TMEM26: variants seen among roughly 807,000 people sequenced by gnomAD.
TMEM26 encodes the protein transmembrane protein 26.
TMEM26 carries 38 observed loss-of-function variants against 28.8 expected under a neutral mutation model. That is an observed-to-expected ratio of 1.32 (90% confidence interval 1.02 to 1.73). The LOEUF is 1.73. TMEM26 is among the 40% of genes most tolerant of loss of function. The pLI is 0.00. For synonymous variants in TMEM26, 227 were observed against 182.9 expected, an observed-to-expected ratio of 1.24 and a Z score of -1.95; for missense variants, 518 against 447.1, an observed-to-expected ratio of 1.16 and a Z score of -1.43.
chr10:61,410,554 T>G lies in TMEM26; in HGVS notation c.875A>C (p.Lys292Thr). The G allele has an allele frequency of 6.2e-7, 1 of 1,614,156 alleles. No homozygotes were observed. The highest frequency in any genetic ancestry group is 8.5e-7 in the Non-Finnish European group (1 of 1,180,038). Reference protein sequence around the residue: ...INQMLVFFAAKNFLVVVLQLY... With the variant: ...INQMLVFFAATNFLVVVLQLY... ...TTGCAACACCACCACGAGGAAGTTC[T>G]TCGCGGCAAAGAACACCAGCATCTG... Residue 292 changes from lysine to threonine, a missense_variant, in exon 6 of 6, where the codon AAG (lysine) becomes ACG (threonine). Transcript: ENST00000399298.
rs907956833 is a variant in TMEM26 at position 61,408,338 on chromosome 10, C to A, written c.*1984G>T. The A allele has an allele frequency of 6.6e-6, 1 of 152,178 alleles. No homozygotes were observed. The highest frequency in any genetic ancestry group is 6.5e-5 in the Admixed American group (1 of 15,270). 9.4% of individuals were successfully genotyped at this position (152,178 alleles called of 1,614,324 possible). ...TACTTTAATTTAAACACTAGAAACTCATTCACGAAGCCAAGCCAAGTCTCA... is the reference window on the plus strand; with the variant it reads ...TACTTTAATTTAAACACTAGAAACTAATTCACGAAGCCAAGCCAAGTCTCA... On this transcript the variant is annotated 3_prime_UTR_variant, in exon 6 of 6. Transcript: ENST00000399298.
At chr10:61,413,817 A>G in intron 4 of TMEM26, 1 of 1,054,272 alleles carries the variant, frequency 9.5e-7, no homozygotes, top group South Asian at 4.2e-5. Flanking sequence ...TTATGGAAAC[A>G]TTATGGGAGA....
chr10:61,448,637 T>C (rs775085716), intron 1 of TMEM26, among the ~76,000 whole-genome samples: 1 of 149,578 alleles, frequency 6.7e-6, no homozygotes, highest in Non-Finnish European at 1.5e-5. Flanking sequence ...TTTTTTTTGG[T>C]CTGGTCACAC....
chr10:61,434,378 T>A (rs1030952701), intron 2 of TMEM26, among the ~76,000 whole-genome samples: 1 of 152,218 alleles, frequency 6.6e-6, no homozygotes, highest in African/African-American at 2.4e-5. Context: ...GGATTTGAGC[T>A]GTATATCAAT....
chr10:61,417,397 A>G (rs1839670447), intron 4 of TMEM26, among the ~76,000 whole-genome samples: 1 of 151,872 alleles, frequency 6.6e-6, no homozygotes, highest in Non-Finnish European at 1.5e-5. Flanking sequence ...CAATGTGCTT[A>G]GCTATTTGTT....
intron 4 of TMEM26, among the ~76,000 whole-genome samples, chr10:61,421,391 C>A (rs749652876): frequency 6.6e-6 from 1 of 151,972 alleles, no homozygotes; most frequent in Non-Finnish European, 1.5e-5. Context: ...TATTAATGGT[C>A]TAAACACAGT....
chr10:61,407,037 A>G lies in TMEM26; in HGVS notation c.*3285T>C, dbSNP rs1173767913. On this transcript the variant is annotated 3_prime_UTR_variant, in exon 6 of 6. Transcript: ENST00000399298. ...GGTGTTTCATTTGCGTCTCTGTAGT[A>G]TACGTCACCATCCCTCTTTCTTAGC... 1 of 151,932 alleles carries G rather than the reference A, an allele frequency of 6.6e-6. No homozygotes were observed. The highest frequency in any genetic ancestry group is 1.5e-5 in the Non-Finnish European group (1 of 67,968). 9.4% of individuals were successfully genotyped at this position (151,932 alleles called of 1,614,324 possible).
intron 1 of TMEM26, among the ~76,000 whole-genome samples, chr10:61,443,577 G>A (rs1455268032): frequency 6.6e-6 from 1 of 152,056 alleles, no homozygotes; most frequent in East Asian, 1.9e-4. Context: ...AATGGGTTGA[G>A]AAAATCCATT....
intron 2 of TMEM26, among the ~76,000 whole-genome samples, chr10:61,432,595 G>A (rs993473193): frequency 3.3e-5 from 5 of 151,854 alleles, no homozygotes; most frequent in East Asian, 1.9e-4. Context: ...CTCCACCACC[G>A]CCACTACAAC....
chr10:61,417,092 T>A (rs1839663901), intron 4 of TMEM26, among the ~76,000 whole-genome samples: 1 of 152,028 alleles, frequency 6.6e-6, no homozygotes, highest in Non-Finnish European at 1.5e-5. Flanking sequence ...AATGTTAGAA[T>A]GTAAATAAAT....
At chr10:61,416,000 C>T (rs531098533) in intron 4 of TMEM26, 32 of 402,430 alleles carry the variant, frequency 8.0e-5, no homozygotes, top group African/African-American at 4.2e-4. Flanking sequence ...TTCAGTTGCA[C>T]CTGTGAGAAT....
intron 1 of TMEM26, among the ~76,000 whole-genome samples, chr10:61,447,088 G>A (rs1840197078): frequency 6.6e-6 from 1 of 152,164 alleles, no homozygotes. Context: ...AGTGTGAAGA[G>A]GGAGAGAAAT....
rs1417917644 is a variant in TMEM26 at position 61,409,217 on chromosome 10, A to G, written c.*1105T>C. On this transcript the variant is annotated 3_prime_UTR_variant, in exon 6 of 6. Transcript: ENST00000399298. Reference sequence around the variant, plus strand: ...AAAGTATGGCTATTTCAATACTGGGAAAATGAAGTCTTAATGCAAGAAAAT... The same window carrying G: ...AAAGTATGGCTATTTCAATACTGGGGAAATGAAGTCTTAATGCAAGAAAAT... 6.6e-6 allele frequency: 1 copy of G among 152,214 alleles called. No individual in the cohort carries two copies. Among genetic ancestry groups the G allele is most frequent in the Non-Finnish European group, 1.5e-5 (1 of 68,048 alleles). 9.4% of individuals were successfully genotyped at this position (152,214 alleles called of 1,614,324 possible). A position where few individuals can be genotyped will look rare whatever the true frequency, so the allele number is the denominator to read the frequency against.
Position 61,417,582 on chromosome 10 carries a change from A to G in TMEM26, c.606-4047T>C, listed in dbSNP as rs544685741. 2.6e-5 allele frequency among the ~76,000 whole-genome samples: 4 copies of G among 152,032 alleles called. No individual in the cohort carries two copies. The East Asian group carries it at 7.8e-4, about 30-fold the overall frequency. ...ATATTTCACCATTTCTTCCAGGTGA[A>G]AAAGAGATTAGCCTCAACTCTGCAA... On this transcript the variant is annotated intron_variant, in intron 4 of 5. Transcript: ENST00000399298.
intron 4 of TMEM26, among the ~76,000 whole-genome samples, chr10:61,428,071 T>C (rs1350805017): frequency 6.6e-6 from 1 of 152,140 alleles, no homozygotes; most frequent in African/African-American, 2.4e-5. Flanking sequence ...AATTGGGATA[T>C]TAAATTTACT....
intron 3 of TMEM26, among the ~76,000 whole-genome samples, chr10:61,429,447 C>T (rs553106733): frequency 2.6e-5 from 4 of 152,100 alleles, no homozygotes; most frequent in Admixed American, 2.6e-4. Flanking sequence ...TTTAATGTCT[C>T]ATTTTATTAT....
At chr10:61,414,109 C>G (rs1839613161) in intron 4 of TMEM26, 1 of 940,126 alleles carries the variant, frequency 1.1e-6, no homozygotes, top group South Asian at 4.9e-5. Flanking sequence ...ACCACTGTAT[C>G]CTTAGTGCCT....
intron 1 of TMEM26, among the ~76,000 whole-genome samples, chr10:61,441,446 A>G (rs1359801925): frequency 6.6e-6 from 1 of 152,194 alleles, no homozygotes; most frequent in Non-Finnish European, 1.5e-5. Flanking sequence ...ATTCTTGATC[A>G]TGTGTTGTCT....
At chr10:61,439,045 T>C (rs973977302) in intron 1 of TMEM26, among the ~76,000 whole-genome samples, 1 of 152,238 alleles carries the variant, frequency 6.6e-6, no homozygotes, top group African/African-American at 2.4e-5. Flanking sequence ...AAGTGCTCTC[T>C]GCTCTTTTAG....
Sources: gnomAD v4.1 joint callset for allele counts (sites outside exome capture counted in the v4.1 genomes callset) on GRCh38, gnomAD v4.1.1 for gene constraint, MANE v1.5 for transcripts, NCBI Gene and HGNC (gene_info 2026-07-23, HGNC 2026-07-21) for gene names.